Variants in DOCK7 observed in about 807,000 individuals in gnomAD.
DOCK7 encodes dedicator of cytokinesis protein 7.
DOCK7 carries 138 observed loss-of-function variants against 271.0 expected under a neutral mutation model. That is an observed-to-expected ratio of 0.51 (90% CI 0.44 to 0.59). The LOEUF (loss-of-function observed/expected upper bound fraction) is 0.59, where lower values mean the gene tolerates loss of function less well. DOCK7 is among the 20% of genes least tolerant of loss of function. DOCK7 has a pLI of 0.00. For missense variants in DOCK7, 2,066 were observed against 2,592.4 expected (o/e 0.80, Z 4.41); for synonymous variants, 823 against 876.1 (o/e 0.94, Z 1.07).
At chr1:62,566,408 A>G (rs1162957343) in intron 18 of DOCK7, among the ~76,000 whole-genome samples, 1 of 152,142 alleles carries the variant, frequency 6.6e-6, no homozygotes, top group Non-Finnish European at 1.5e-5. Flanking sequence ...CTACAACCAT[A>G]TGATCTTTGA....
chr1:62,497,282 C>T (rs1233495611), intron 37 of DOCK7, among the ~76,000 whole-genome samples: 1 of 152,184 alleles, frequency 6.6e-6, no homozygotes, highest in African/African-American at 2.4e-5. Context: ...CCTTTTCTCA[C>T]TTAACATACT....
At chr1:62,527,003 C>T (rs1645030321) in intron 31 of DOCK7, among the ~76,000 whole-genome samples, 1 of 152,082 alleles carries the variant, frequency 6.6e-6, no homozygotes, top group South Asian at 2.1e-4. Flanking sequence ...CTGCGCAACT[C>T]CGTAAATATA....
At chr1:62,483,260 G>A (rs914853316) in intron 43 of DOCK7, 2 of 138,372 alleles carry the variant, frequency 1.4e-5, no homozygotes, top group Admixed American at 1.6e-4. Flanking sequence ...CAAACTTCAG[G>A]CCTCAAGCGA....
intron 1 of DOCK7, among the ~76,000 whole-genome samples, chr1:62,666,450 A>G (rs1659333062): frequency 6.6e-6 from 1 of 152,224 alleles, no homozygotes; most frequent in African/African-American, 2.4e-5. Context: ...ATTTGAAAAT[A>G]AGTTGTGATA....
Position 62,513,469 on chromosome 1 carries a change from A to G in DOCK7, c.4257T>C (p.Gly1419=). The G allele has an allele frequency of 6.2e-7, 1 of 1,612,292 alleles. No homozygotes were observed. Among genetic ancestry groups the G allele is most frequent in the South Asian group, 1.1e-5 (1 of 90,662 alleles). The change falls in exon 33 of 50, where the codon GGT becomes GGC. Residue 1419 remains glycine (G), a synonymous_variant. Coordinates refer to ENST00000635253, the MANE Select transcript of DOCK7 (RefSeq NM_001367561.1). ...CAGGAGGAGAAGCTATTGTGTACGT[A>G]CCGAGCTGTCCTCGGCTTCGCCGTA... ...EMVRRSRGQL[G]TYTIASPPER...
chr1:62,680,836 C>A (rs1467513091), intron 1 of DOCK7, among the ~76,000 whole-genome samples: 1 of 151,810 alleles, frequency 6.6e-6, no homozygotes, highest in African/African-American at 2.4e-5. Flanking sequence ...CACAATGAGA[C>A]ACCATCTCAC....
At chr1:62,590,705 A>T (rs1011694282) in intron 14 of DOCK7, among the ~76,000 whole-genome samples, 2 of 152,212 alleles carry the variant, frequency 1.3e-5, no homozygotes, top group Non-Finnish European at 2.9e-5. Flanking sequence ...TTCTGAAAAG[A>T]AGACACACAT....
At chr1:62,684,240 A>G (rs1557907756) in intron 1 of DOCK7, among the ~76,000 whole-genome samples, 1 of 152,102 alleles carries the variant, frequency 6.6e-6, no homozygotes, top group African/African-American at 2.4e-5. Flanking sequence ...CTGAAATCAG[A>G]GAACTAGGAT....
chr1:62,506,328 C>T (rs1254052935), intron 35 of DOCK7, among the ~76,000 whole-genome samples: 1 of 152,164 alleles, frequency 6.6e-6, no homozygotes, highest in East Asian at 1.9e-4. Flanking sequence ...AAGAAATGTA[C>T]TCTGTCCCTG....
chr1:62,604,616 A>T, intron 14 of DOCK7: 2 of 1,611,698 alleles, frequency 1.2e-6, no homozygotes, highest in South Asian at 2.2e-5. Flanking sequence ...ATTAAATTGC[A>T]TATCTATCTC....
In DOCK7 at chr1:62,596,298, G is replaced by A. The variant is rs796632878; in HGVS notation, c.1683-9674C>T. 2.0e-4 allele frequency among the ~76,000 whole-genome samples: 30 copies of A among 152,128 alleles called. 2 individuals are homozygous for A. The highest frequency in any genetic ancestry group is 6.7e-4 in the African/African-American group (28 of 41,516). ...TGTCCAAGGCCAGACAGCTAGAGCCGGCTTTTGGACCCACACCACAGTCTG... is the reference window on the plus strand; with the variant it reads ...TGTCCAAGGCCAGACAGCTAGAGCCAGCTTTTGGACCCACACCACAGTCTG... On this transcript the variant is annotated intron_variant, in intron 14 of 49. Transcript: ENST00000635253.
chr1:62,486,156 T>C (rs1290526849), intron 43 of DOCK7: 1 of 152,150 alleles, frequency 6.6e-6, no homozygotes. Context: ...ATGTCTTAAC[T>C]GAGCCATAGG....
At chr1:62,482,186 T>C (rs141185337) in intron 43 of DOCK7, 1 of 152,332 alleles carries the variant, frequency 6.6e-6, no homozygotes, top group Non-Finnish European at 1.5e-5. Flanking sequence ...CCACTTTACA[T>C]GTATTATATC....
chr1:62,641,041 TC>T, intron 7 of DOCK7: 1 of 173,506 alleles, frequency 5.8e-6, no homozygotes. Flanking sequence ...CCCTCCTGGA[TC>T]CCCCACATCC....
At chr1:62,603,189 C>T (rs1650410524) in intron 14 of DOCK7, among the ~76,000 whole-genome samples, 1 of 151,634 alleles carries the variant, frequency 6.6e-6, no homozygotes, top group Non-Finnish European at 1.5e-5. Flanking sequence ...ACAGGTAAGT[C>T]GAGAATACTC....
At chr1:62,542,830 T>A in intron 24 of DOCK7, 127 bp from the exon 25 acceptor site, 1 of 731,352 alleles carries the variant, frequency 1.4e-6, no homozygotes, top group Non-Finnish European at 2.2e-6. Context: ...AACCATTCAA[T>A]GATGCACTGA....
At chr1:62,677,601 C>A (rs1017025502) in intron 1 of DOCK7, among the ~76,000 whole-genome samples, 1 of 151,574 alleles carries the variant, frequency 6.6e-6, no homozygotes, top group Non-Finnish European at 1.5e-5. Context: ...AGTGATATAT[C>A]CAGAGTATCT....
chr1:62,518,653 TCAC>T (rs1361975174), intron 31 of DOCK7, among the ~76,000 whole-genome samples: 4 of 149,844 alleles, frequency 2.7e-5, no homozygotes, highest in Non-Finnish European at 3.0e-5. Context: ...GGTGGGAGAA[TCAC>T]TTGAACCTGG....
intron 12 of DOCK7, among the ~76,000 whole-genome samples, chr1:62,623,324 A>C (rs917069933): frequency 3.3e-5 from 5 of 152,242 alleles, no homozygotes; most frequent in African/African-American, 9.6e-5. Context: ...AAAAATTTTT[A>C]ATACAGAACC....
Sources: allele counts gnomAD v4.1 joint callset (sites outside exome capture counted in the v4.1 genomes callset), GRCh38; gene constraint gnomAD v4.1.1; transcripts MANE v1.5; gene names NCBI Gene and HGNC (gene_info 2026-07-23, HGNC 2026-07-21).